The following COL4A3 variants were observed in gnomAD, a reference collection of about 807,000 sequenced individuals.
COL4A3 encodes the protein collagen type IV alpha 3 chain, also known as collagen alpha-3(IV) chain.
COL4A3 carries 135 observed loss-of-function variants against 217.4 expected under a neutral mutation model. The ratio of observed to expected loss-of-function variants is 0.62; its 90% confidence interval spans 0.54 to 0.72. The LOEUF is 0.72. Among genes scored for constraint, COL4A3 ranks in the 30% least tolerant of loss-of-function variants. COL4A3 has a pLI of 0.00. For synonymous variants in COL4A3, 690 were observed against 736.3 expected (o/e 0.94, Z 1.02); for missense variants, 1,868 against 2,119.9 (o/e 0.88, Z 2.33).
At chr2:227,270,717 A>G (rs2071183253) in intron 24 of COL4A3, 53 bp from the exon 25 acceptor site, 1 of 1,573,076 alleles carries the variant, frequency 6.4e-7, no homozygotes, top group African/African-American at 1.3e-5. Flanking sequence ...TAAGATTGAC[A>G]GAAGAAGAAT....
chr2:227,273,344 C>A (rs1293879560), intron 26 of COL4A3, among the ~76,000 whole-genome samples: 2 of 152,104 alleles, frequency 1.3e-5, no homozygotes, highest in African/African-American at 4.8e-5. Context: ...TATTCTATAT[C>A]TATTACATAC....
chr2:227,218,901 T>C (rs2067641018), intron 1 of COL4A3, among the ~76,000 whole-genome samples: 1 of 152,242 alleles, frequency 6.6e-6, no homozygotes, highest in Non-Finnish European at 1.5e-5. Flanking sequence ...TATCCTTTCG[T>C]ATTTCTACAA....
intron 1 of COL4A3, among the ~76,000 whole-genome samples, chr2:227,198,826 A>G (rs2125727516): frequency 6.6e-6 from 1 of 152,310 alleles, no homozygotes; most frequent in South Asian, 2.1e-4. Flanking sequence ...AATTTTGACC[A>G]TTAAAAATCA....
At chr2:227,202,470 C>T (rs62277828) in intron 1 of COL4A3, among the ~76,000 whole-genome samples, 27,429 of 151,694 alleles carry the variant, frequency 0.18, 3,116 homozygotes, top group Admixed American at 0.26. Flanking sequence ...ACTAGCCGGG[C>T]GCGGTGGCTC....
At chr2:227,194,955 T>C (rs6727477) in intron 1 of COL4A3, among the ~76,000 whole-genome samples, 95,720 of 151,938 alleles carry the variant, frequency 0.63, 30,315 homozygotes, top group East Asian at 0.67. Context: ...AATGATTTCC[T>C]GTTAGAGTAT....
intron 44 of COL4A3, among the ~76,000 whole-genome samples, chr2:227,303,651 C>G (rs754676691): frequency 6.6e-6 from 1 of 152,176 alleles, no homozygotes; most frequent in Non-Finnish European, 1.5e-5. Context: ...TATTTCTTTA[C>G]AGACTCATTA....
chr2:227,229,834 G>A (rs895968379), intron 1 of COL4A3, among the ~76,000 whole-genome samples: 10 of 152,198 alleles, frequency 6.6e-5, no homozygotes, highest in African/African-American at 2.4e-4. Context: ...GGATCACGAG[G>A]TCAGGAGATC....
chr2:227,250,063 AGCACTTTGGGAGGCCAAGGC>A lies in COL4A3; in HGVS notation c.547-1076_547-1057del. ...GCACAGTGCTCACACCTGTAATCCC[AGCACTTTGGGAGGCCAAGGC>A]AGGAGGATCACTTGAGGTCAGGAGT... On this transcript the variant is annotated intron_variant, in intron 9 of 51. Transcript: ENST00000396578. This position sits in a 1 kb window ranked among gnomAD's most constrained non-coding sequence, Gnocchi z 4.1. 6.6e-6 allele frequency among the ~76,000 whole-genome samples: 1 copy of A among 152,236 alleles called. No individual in the cohort carries two copies. Among genetic ancestry groups the A allele is most frequent in the African/African-American group, 2.4e-5 (1 of 41,454 alleles).
rs1369715384 is a variant in COL4A3 at position 227,312,420 on chromosome 2, T to C, written c.*550T>C. The C allele has an allele frequency of 6.5e-6, 1 of 154,910 alleles. No homozygotes were observed. The highest frequency in any genetic ancestry group is 1.9e-4 in the East Asian group (1 of 5,338). 9.6% of individuals were successfully genotyped at this position (154,910 alleles called of 1,614,324 possible). ...GAACACAGAACTGAACTGAGGTTCA[T>C]GGATTTTCCAGGACTGTTTCAAACA... On this transcript the variant is annotated 3_prime_UTR_variant, in exon 52 of 52. Coordinates refer to ENST00000396578, the MANE Select transcript of COL4A3 (RefSeq NM_000091.5).
rs910515212 is a variant in COL4A3 at position 227,293,252 on chromosome 2, C to G, written c.3272C>G (p.Pro1091Arg). The change falls in exon 38 of 52, where the codon CCT becomes CGT. Residue 1091 changes from proline (P) to arginine (R), a missense_variant. By Grantham distance (103) the Pro-to-Arg change is moderately radical. Around this residue, in one of 2 missense-constraint regions of COL4A3, gnomAD observed 1,503 missense variants for 1,786.1 expected, o/e 0.84. Transcript: ENST00000396578. ...KKGEMGQPGP[P>R]GHLGPAGPEG... ...GGAGAAATGGGGCAACCTGGCCCAC[C>G]TGGACATTTGGGGCCTGCTGGACCT... is the stretch of plus-strand genomic sequence containing the variant. 2 of 1,613,900 alleles carry G rather than the reference C, an allele frequency of 1.2e-6. No homozygotes were observed. The highest frequency in any genetic ancestry group is 8.5e-7 in the Non-Finnish European group (1 of 1,180,006).
chr2:227,291,133 T>C lies in COL4A3; in HGVS notation c.3210+247T>C, dbSNP rs538860450. The C allele has an allele frequency of 6.6e-4, 320 of 487,154 alleles. 3 individuals carry two copies. Among genetic ancestry groups the C allele is most frequent in the African/African-American group, 6.0e-3 (307 of 51,274 alleles). 30.2% of individuals were successfully genotyped at this position (487,154 alleles called of 1,614,324 possible). A position where few individuals can be genotyped will look rare whatever the true frequency, so the allele number is the denominator to read the frequency against. On this transcript the variant is annotated intron_variant, in intron 37 of 51. Coordinates refer to ENST00000396578, the MANE Select transcript of COL4A3 (RefSeq NM_000091.5). ...TCACACTGTCTCTGCAATTTAGGTG[T>C]GCTGCCAGAAGAAGGCAGTGATTAC...
At chr2:227,170,230 T>TAA (rs1238658957) in intron 1 of COL4A3, among the ~76,000 whole-genome samples, 3 of 152,212 alleles carry the variant, frequency 2.0e-5, no homozygotes, top group Non-Finnish European at 4.4e-5. Flanking sequence ...TAGATACTCT[T>TAA]AGATTTTTTT....
chr2:227,261,021 A>G, intron 19 of COL4A3, 61 bp from the exon 20 acceptor site: 1 of 1,420,592 alleles, frequency 7.0e-7, no homozygotes, highest in Non-Finnish European at 1.0e-6. Context: ...CAAGATTCCA[A>G]AAGTGGATGG....
chr2:227,225,272 C>G (rs1012963514), intron 1 of COL4A3, among the ~76,000 whole-genome samples: 2 of 152,160 alleles, frequency 1.3e-5, no homozygotes, highest in African/African-American at 4.8e-5. Flanking sequence ...ACAAACCAGG[C>G]ACATGACCTA....
intron 17 of COL4A3, 66 bp downstream of exon 17, chr2:227,256,462 C>A: frequency 8.1e-7 from 1 of 1,238,678 alleles, no homozygotes; most frequent in African/African-American, 1.5e-5. Context: ...CTTTTACCTC[C>A]AACCCTGGAC....
Position 227,312,042 on chromosome 2 carries a change from C to A in COL4A3, c.*172C>A. 4.9e-6 allele frequency: 6 copies of A among 1,216,244 alleles called. No homozygotes were observed. The highest frequency in any genetic ancestry group is 6.9e-6 in the Non-Finnish European group (6 of 866,200). 75.3% of individuals were successfully genotyped at this position (1,216,244 alleles called of 1,614,324 possible). ...ACAAAGCAATTCTTTCAAGTCAGTT[C>A]TGTGATCTGGGTCTCTAATCTGTGC... On this transcript the variant is annotated 3_prime_UTR_variant, in exon 52 of 52. Transcript: ENST00000396578.
chr2:227,183,491 A>T (rs2065921698), intron 1 of COL4A3, among the ~76,000 whole-genome samples: 1 of 152,190 alleles, frequency 6.6e-6, no homozygotes, highest in African/African-American at 2.4e-5. Flanking sequence ...CAGAGGGCTC[A>T]TTGGAATTGC....
At chr2:227,260,213 T>C in intron 19 of COL4A3, 1 of 448,272 alleles carries the variant, frequency 2.2e-6, no homozygotes, top group South Asian at 1.9e-5. Context: ...GCGAACAAAC[T>C]CACACAGAGA....
At chr2:227,262,846 G>C (rs1574725666) in intron 20 of COL4A3, among the ~76,000 whole-genome samples, 1 of 152,258 alleles carries the variant, frequency 6.6e-6, no homozygotes, top group South Asian at 2.1e-4. Flanking sequence ...CAGCTAGATA[G>C]AAGGAATAAA....
Sources: allele counts gnomAD v4.1 joint callset (sites outside exome capture counted in the v4.1 genomes callset), GRCh38; gene constraint gnomAD v4.1.1; regional missense constraint gnomAD v4.1.1; non-coding constraint Gnocchi (gnomAD v3.1); transcripts MANE v1.5; gene names NCBI Gene and HGNC (gene_info 2026-07-23, HGNC 2026-07-21).